MAF1: variants seen among roughly 807,000 people sequenced by gnomAD.
The protein encoded by MAF1 is MAF1 negative regulator of RNA polymerase III.
In MAF1, 7 loss-of-function variants were observed where a neutral mutation model predicts 31.9. The observed-to-expected ratio is 0.22, with a 90% CI of 0.12 to 0.41. The LOEUF (loss-of-function observed/expected upper bound fraction) is 0.41, where lower values mean the gene tolerates loss of function less well. Ranked by LOEUF, MAF1 falls within the 10% of genes least tolerant of loss-of-function variation. The pLI is 1.00. For missense variants in MAF1, 221 were observed against 323.1 expected, an observed-to-expected ratio of 0.68 and a Z score of 2.42; for synonymous variants, 157 against 120.0, an observed-to-expected ratio of 1.31 and a Z score of -2.02.
chr8:144,107,199 T>C lies in MAF1; in HGVS notation c.*90T>C. 1 of 1,492,670 alleles carries C rather than the reference T, an allele frequency of 6.7e-7. No homozygotes were observed. Among genetic ancestry groups the C allele is most frequent in the Non-Finnish European group, 9.1e-7 (1 of 1,094,800 alleles). The allele number at this position is 1,492,670 out of a possible 1,614,324, so 92.5% of individuals were successfully genotyped here. The stretch of plus-strand genomic sequence containing the variant: ...AGGCCCCTGGGGCCTCCCCAGCTGC[T>C]GGCCAGACCCTGGCGCTGCCACAGT... On this transcript the variant is annotated 3_prime_UTR_variant, in exon 8 of 8. Coordinates refer to ENST00000322428, the MANE Select transcript of MAF1 (RefSeq NM_032272.5).
rs1016110589 is a variant in MAF1, at chr8:144,105,520, A to T, written c.-44-120A>T. On this transcript the variant is annotated intron_variant, in intron 1 of 7. Transcript: ENST00000322428. ...GCAGAGAGGGGAGCTCCTGATGTGC[A>T]GCCTGGACAGAGGCCAGACTCAGCT... 9 of 627,382 alleles carry T rather than the reference A, an allele frequency of 1.4e-5. No homozygotes were observed. In the African/African-American group the frequency reaches 1.7e-4, roughly 12 times the overall value. The allele number at this position is 627,382 out of a possible 1,614,324, so 38.9% of individuals were successfully genotyped here.
At position 144,105,921 on chromosome 8, in the gene MAF1, C is replaced by A; in HGVS notation, c.136C>A (p.Gln46Lys). 6.2e-7 allele frequency: 1 copy of A among 1,613,132 alleles called. No individual in the cohort carries two copies. Among genetic ancestry groups the A allele is most frequent in the Non-Finnish European group, 8.5e-7 (1 of 1,180,022 alleles). The change falls in exon 3 of 8, where the codon CAG becomes AAG. Residue 46 changes from glutamine to lysine, a missense_variant. Gln to Lys is a moderately conservative substitution (Grantham distance 53). Transcript: ENST00000322428. ...MAGDDKHMFK[Q>K]FCQEGQPHVL... Reference sequence around the variant, plus strand: ...AGGAGACGACAAACACATGTTCAAGCAGTTCTGCCAGGAGGGCCAGCCCCA... The same window carrying A: ...AGGAGACGACAAACACATGTTCAAGAAGTTCTGCCAGGAGGGCCAGCCCCA...
intron 4 of MAF1, 30 bp downstream of exon 4, chr8:144,106,271 C>T (rs1836412537): frequency 5.0e-6 from 8 of 1,613,186 alleles, no homozygotes; most frequent in Non-Finnish European, 6.8e-6. Flanking sequence ...AAGGGACCCA[C>T]AGCCACCCCA....
In MAF1 at chr8:144,105,640, G is replaced by A. The variant is rs200240443; in HGVS notation, c.-44G>A. ...CATGGTCTGGTCTCTCACTCCCCAG[G>A]CAATACTAGCCCCTCTGGAGCACGG... On this transcript the variant is annotated splice_region_variant and 5_prime_UTR_variant, in exon 2 of 8. Coordinates refer to ENST00000322428, the MANE Select transcript of MAF1 (RefSeq NM_032272.5). 14 of 1,562,690 alleles carry A rather than the reference G, an allele frequency of 9.0e-6. No individual in the cohort carries two copies. Among genetic ancestry groups the A allele is most frequent in the Non-Finnish European group, 1.2e-5 (14 of 1,134,542 alleles).
Position 144,105,785 on chromosome 8 carries a change from G to A in MAF1, c.83+19G>A, listed in dbSNP as rs769276287. On this transcript the variant is annotated intron_variant, in intron 2 of 7. Coordinates refer to ENST00000322428, the MANE Select transcript of MAF1 (RefSeq NM_032272.5). ...TTGGCAGGTGAGGCAGGCTGGGGGG[G>A]CTGGCATCTCGGAGGTCACACTGCC... is the stretch of plus-strand genomic sequence containing the variant. 23 of 1,612,578 alleles carry A rather than the reference G, an allele frequency of 1.4e-5. No individual in the cohort carries two copies. In the East Asian group the frequency reaches 4.7e-4, roughly 33 times the overall value.
intron 5 of MAF1, 34 bp from the exon 6 acceptor site, chr8:144,106,521 C>T (rs372509601): frequency 4.7e-5 from 76 of 1,613,782 alleles, no homozygotes; most frequent in African/African-American, 2.8e-4. Context: ...GGGCACTTGG[C>T]GCCTCACACC....
At position 144,106,219 on chromosome 8, in the gene MAF1, G is replaced by C. The variant is rs748211287; in HGVS notation, c.356G>C (p.Ser119Thr). 6.2e-7 allele frequency: 1 copy of C among 1,613,772 alleles called. No homozygotes were observed. The stretch of plus-strand genomic sequence containing the variant: ...AGCACAGCCCGCAGCCATGAGTTCA[G>C]CCGGGAGCCCAGCCTTAGCTGGGTG... Reference protein sequence around the residue: ...DFSTARSHEFSREPSLSWVVN... With the variant: ...DFSTARSHEFTREPSLSWVVN... The change falls in exon 4 of 8, where the codon AGC (serine) becomes ACC (threonine). Residue 119 changes from serine (S) to threonine (T), a missense_variant. Physicochemically the swap from Ser to Thr is moderately conservative, Grantham distance 58. Around this residue, in one of 2 missense-constraint regions of MAF1, gnomAD observed 146 missense variants for 263.1 expected, o/e 0.56. Coordinates refer to ENST00000322428, the MANE Select transcript of MAF1 (RefSeq NM_032272.5).
At position 144,105,903 on chromosome 8, in the gene MAF1, G is replaced by T; in HGVS notation, c.118G>T (p.Asp40Tyr). 1 of 1,613,014 alleles carries T rather than the reference G, an allele frequency of 6.2e-7. No individual in the cohort carries two copies. Among genetic ancestry groups the T allele is most frequent in the South Asian group, 1.1e-5 (1 of 91,062 alleles). Residue 40 changes from aspartate (D) to tyrosine (Y), a missense_variant, in exon 3 of 8, where the codon GAC (aspartate) becomes TAC (tyrosine). By Grantham distance (160) the Asp-to-Tyr change is radical. Around this residue, in one of 2 missense-constraint regions of MAF1, gnomAD observed 146 missense variants for 263.1 expected, o/e 0.56. Transcript: ENST00000322428. ...ESYSCKMAGD[D>Y]KHMFKQFCQE... ...CTACTCATGTAAGATGGCAGGAGAC[G>T]ACAAACACATGTTCAAGCAGTTCTG...
In MAF1 at chr8:144,106,616, T is replaced by A. The variant is rs946678901; in HGVS notation, c.562T>A (p.Tyr188Asn). ...GEDGSLWSFNYFFYNKRLKRI... is the reference protein window; with the variant it reads ...GEDGSLWSFNNFFYNKRLKRI... ...GGATGGTAGCCTCTGGTCCTTCAAC[T>A]ACTTCTTCTACAACAAGCGGCTCAA... Residue 188 changes from tyrosine (Y) to asparagine (N), a missense_variant, in exon 6 of 8, where the codon TAC becomes AAC. This residue lies in a region of MAF1 where 146 missense variants were observed against 263.1 expected (regional missense o/e 0.56). Transcript: ENST00000322428. 1.9e-6 allele frequency: 3 copies of A among 1,613,716 alleles called. No homozygotes were observed. Among genetic ancestry groups the A allele is most frequent in the African/African-American group, 1.3e-5 (1 of 74,910 alleles).
chr8:144,106,172 C>T lies in MAF1; in HGVS notation c.309C>T (p.Ser103=). The stretch of plus-strand genomic sequence containing the variant: ...ACCTGATTGCCACGCTCAATGAGTC[C>T]TTCAGGCCTGACTATGACTTCAGCA... ...LFYLIATLNE[S]FRPDYDFSTA... The change falls in exon 4 of 8, where the codon TCC becomes TCT. Residue 103 remains serine, a synonymous_variant. Transcript: ENST00000322428. 5 of 1,613,858 alleles carry T rather than the reference C, an allele frequency of 3.1e-6. No homozygotes were observed. In the East Asian group the frequency reaches 6.7e-5, roughly 22 times the overall value.
chr8:144,107,461 A>G lies in MAF1; in HGVS notation c.*352A>G. 2 of 580,842 alleles carry G rather than the reference A, an allele frequency of 3.4e-6. No individual in the cohort carries two copies. The highest frequency in any genetic ancestry group is 3.1e-6 in the Non-Finnish European group (1 of 325,212). The allele number at this position is 580,842 out of a possible 1,614,324, so 36.0% of individuals were successfully genotyped here. On this transcript the variant is annotated 3_prime_UTR_variant, in exon 8 of 8. Coordinates refer to ENST00000322428, the MANE Select transcript of MAF1 (RefSeq NM_032272.5). ...TCCAGCCCAAAGGGTCTGTGGCCGGAGGCCCCACGAGCAGGCCCCAGCAGT... is the reference window on the plus strand; with the variant it reads ...TCCAGCCCAAAGGGTCTGTGGCCGGGGGCCCCACGAGCAGGCCCCAGCAGT...
chr8:144,106,339 C>T lies in MAF1; in HGVS notation c.379-4C>T, dbSNP rs762840524. 2 of 1,613,708 alleles carry T rather than the reference C, an allele frequency of 1.2e-6. No homozygotes were observed. The highest frequency in any genetic ancestry group is 1.7e-5 in the Admixed American group (1 of 60,024). On this transcript the variant is annotated splice_region_variant and splice_polypyrimidine_tract_variant and intron_variant, in intron 4 of 7. Transcript: ENST00000322428. ...CCTGTCACCCTGACTGTGACCTGCC[C>T]TAGGTGGTGAATGCAGTCAACTGCA...
chr8:144,106,550 C>T lies in MAF1; in HGVS notation c.501-5C>T, dbSNP rs1209926622. On this transcript the variant is annotated splice_polypyrimidine_tract_variant and splice_region_variant and intron_variant, in intron 5 of 7. Coordinates refer to ENST00000322428, the MANE Select transcript of MAF1 (RefSeq NM_032272.5). ...TCACACCACCTGTCACCCTATACTC[C>T]CCAGCTATAACCCAGACTTGGACTC... The T allele has an allele frequency of 8.7e-6, 14 of 1,613,852 alleles. No homozygotes were observed. The highest frequency in any genetic ancestry group is 1.2e-5 in the Non-Finnish European group (14 of 1,180,032).
rs1836440240 is a variant in MAF1 at position 144,107,598 on chromosome 8, G to A, written c.*489G>A. On this transcript the variant is annotated 3_prime_UTR_variant, in exon 8 of 8. Coordinates refer to ENST00000322428, the MANE Select transcript of MAF1 (RefSeq NM_032272.5). ...TGCAGCTCGTTTCTTTCCAATAAAA[G>A]TTTCTGTGACTTAGTGTGGACCTGA... 3.5e-6 allele frequency: 2 copies of A among 564,514 alleles called. No individual in the cohort carries two copies. The highest frequency in any genetic ancestry group is 5.4e-5 in the Admixed American group (2 of 36,988). 35.0% of individuals were successfully genotyped at this position (564,514 alleles called of 1,614,324 possible). A position where few individuals can be genotyped will look rare whatever the true frequency, so the allele number is the denominator to read the frequency against.
chr8:144,106,756 C>T, intron 6 of MAF1, 79 bp from the exon 7 acceptor site: 3 of 1,573,802 alleles, frequency 1.9e-6, no homozygotes, highest in South Asian at 2.4e-5. Context: ...CCCAGCTTTG[C>T]CCTCCCTGAA....
chr8:144,105,324 G>A (rs928229221), intron 1 of MAF1: 1 of 263,264 alleles, frequency 3.8e-6, no homozygotes, highest in Admixed American at 4.8e-5. Context: ...GTGGAGATGG[G>A]GAATGGGAAT....
At chr8:144,106,512 G>A in intron 5 of MAF1, 43 bp from the exon 6 acceptor site, 1 of 1,613,886 alleles carries the variant, frequency 6.2e-7, no homozygotes, top group Non-Finnish European at 8.5e-7. Flanking sequence ...AGGTTTGTGG[G>A]GCACTTGGCG....
chr8:144,107,237 C>A lies in MAF1; in HGVS notation c.*128C>A. Reference sequence around the variant, plus strand: ...GCGCTGCCACAGTCCTGGCACTGCCCAAGGCCATACCTGCCTAGCCCTTTG... The same window carrying A: ...GCGCTGCCACAGTCCTGGCACTGCCAAAGGCCATACCTGCCTAGCCCTTTG... On this transcript the variant is annotated 3_prime_UTR_variant, in exon 8 of 8. Transcript: ENST00000322428. 2 of 1,207,592 alleles carry A rather than the reference C, an allele frequency of 1.7e-6. No individual in the cohort carries two copies. The highest frequency in any genetic ancestry group is 1.5e-5 in the African/African-American group (1 of 66,344). The allele number at this position is 1,207,592 out of a possible 1,614,324, so 74.8% of individuals were successfully genotyped here. A position where few individuals can be genotyped will look rare whatever the true frequency, so the allele number is the denominator to read the frequency against.
chr8:144,106,905 G>C lies in MAF1; in HGVS notation c.691G>C (p.Glu231Gln). 6.5e-7 allele frequency: 1 copy of C among 1,527,252 alleles called. No homozygotes were observed. The highest frequency in any genetic ancestry group is 8.8e-7 in the Non-Finnish European group (1 of 1,139,870). The allele number at this position is 1,527,252 out of a possible 1,614,324, so 94.6% of individuals were successfully genotyped here. ...DMELGEEEVE[E>Q]ESRSGGSGAE... Reference sequence around the variant, plus strand: ...GGAGCTGGGGGAGGAGGAGGTGGAGGAAGAAAGCAGAAGCGGGGGCAGTGG... The same window carrying C: ...GGAGCTGGGGGAGGAGGAGGTGGAGCAAGAAAGCAGAAGCGGGGGCAGTGG... Residue 231 changes from glutamate (E) to glutamine (Q), a missense_variant, in exon 7 of 8, where the codon GAA (glutamate) becomes CAA (glutamine). Glu to Gln is a conservative substitution (Grantham distance 29). Around this residue, in one of 2 missense-constraint regions of MAF1, gnomAD observed 75 missense variants for 60.1 expected, o/e 1.25. Coordinates refer to ENST00000322428, the MANE Select transcript of MAF1 (RefSeq NM_032272.5).
Sources: allele counts gnomAD v4.1 joint callset, GRCh38; gene constraint gnomAD v4.1.1; regional missense constraint gnomAD v4.1.1; transcripts MANE v1.5; gene names NCBI Gene and HGNC (gene_info 2026-07-23, HGNC 2026-07-21).